The following ARHGEF11 variants were observed in gnomAD, a reference collection of about 807,000 sequenced individuals.
ARHGEF11 encodes the protein Rho guanine nucleotide exchange factor 11.
In ARHGEF11, 55 loss-of-function variants were observed where a neutral mutation model predicts 193.7. That is an observed-to-expected ratio of 0.28 (90% CI 0.23 to 0.36). The LOEUF is 0.36. ARHGEF11 is among the 10% of genes least tolerant of loss of function. The pLI, the probability that ARHGEF11 is intolerant of heterozygous loss-of-function variation, is 1.00. For synonymous variants in ARHGEF11, 693 were observed against 768.0 expected (o/e 0.90, Z 1.62); for missense variants, 1,723 against 2,005.6 (o/e 0.86, Z 2.69).
intron 31 of ARHGEF11, 86 bp from the exon 32 acceptor site, chr1:156,944,188 C>T: frequency 6.6e-7 from 1 of 1,524,032 alleles, no homozygotes; most frequent in South Asian, 1.2e-5. Flanking sequence ...CTCTTGGAGG[C>T]TCTAGGAAGT....
chr1:156,952,682 A>C (rs1017651166), intron 21 of ARHGEF11, among the ~76,000 whole-genome samples: 1 of 152,294 alleles, frequency 6.6e-6, no homozygotes, highest in African/African-American at 2.4e-5. Flanking sequence ...GAGAACAGAA[A>C]AAAATTTAGC....
intron 1 of ARHGEF11, among the ~76,000 whole-genome samples, chr1:157,014,194 G>A (rs749037448): frequency 4.6e-5 from 7 of 152,070 alleles, no homozygotes; most frequent in Non-Finnish European, 8.8e-5. Flanking sequence ...TCATTAGATT[G>A]TATTGCCTCT....
chr1:156,963,118 C>T lies in ARHGEF11; in HGVS notation c.1140+85G>A, dbSNP rs1396066644. ...CTGTGCCCATGGATCTGACTTGTAA[C>T]AGCCAGGGAGCAGAAACAGAGGCTA... On this transcript the variant is annotated intron_variant, in intron 13 of 40. Coordinates refer to ENST00000368194, the MANE Select transcript of ARHGEF11 (RefSeq NM_198236.3). 14 of 1,058,976 alleles carry T rather than the reference C, an allele frequency of 1.3e-5. No homozygotes were observed. In the Admixed American group the frequency reaches 2.5e-4, roughly 19 times the overall value. 65.6% of individuals were successfully genotyped at this position (1,058,976 alleles called of 1,614,324 possible). A position where few individuals can be genotyped will look rare whatever the true frequency, so the allele number is the denominator to read the frequency against.
intron 13 of ARHGEF11, among the ~76,000 whole-genome samples, chr1:156,962,088 T>A (rs1466137519): frequency 6.6e-6 from 1 of 152,230 alleles, no homozygotes; most frequent in Non-Finnish European, 1.5e-5. Context: ...CACTGATCAC[T>A]CCTCAACTCT....
rs762762348 is a variant in ARHGEF11, at chr1:156,955,809, C to T, written c.1672-10G>A. 1.9e-6 allele frequency: 3 copies of T among 1,610,076 alleles called. No homozygotes were observed. The highest frequency in any genetic ancestry group is 2.7e-5 in the African/African-American group (2 of 74,840). On this transcript the variant is annotated splice_polypyrimidine_tract_variant and intron_variant, in intron 19 of 40. Coordinates refer to ENST00000368194, the MANE Select transcript of ARHGEF11 (RefSeq NM_198236.3). ...TCTTGGAATTGCTGCTCTGCTGAGA[C>T]AGGAGACACTGGTGTTTGCAGGAGG... is the stretch of plus-strand genomic sequence containing the variant.
chr1:156,972,667 T>C (rs1662662459), intron 7 of ARHGEF11, among the ~76,000 whole-genome samples: 1 of 152,194 alleles, frequency 6.6e-6, no homozygotes, highest in Non-Finnish European at 1.5e-5. Context: ...TCCCCATACT[T>C]AATATTTCAT....
chr1:156,958,953 CAA>C (rs1660368835), intron 16 of ARHGEF11, 89 bp from the exon 17 acceptor site: 13 of 1,609,212 alleles, frequency 8.1e-6, no homozygotes, highest in South Asian at 2.2e-5. Flanking sequence ...ACACATATAA[CAA>C]GAGATATGTG....
chr1:156,998,566 G>GT (rs750203331), intron 1 of ARHGEF11, among the ~76,000 whole-genome samples: 11 of 152,154 alleles, frequency 7.2e-5, no homozygotes, highest in Non-Finnish European at 1.6e-4. Flanking sequence ...TTGGTGTAAT[G>GT]TAAGTACAGT....
At chr1:156,984,143 C>T (rs1402958518) in intron 3 of ARHGEF11, among the ~76,000 whole-genome samples, 196 bp downstream of exon 3, 4 of 152,202 alleles carry the variant, frequency 2.6e-5, no homozygotes, top group East Asian at 3.8e-4. Flanking sequence ...GCTAGGGAAG[C>T]GAGCATGAGG....
intron 7 of ARHGEF11, among the ~76,000 whole-genome samples, chr1:156,972,307 A>T (rs1257152502): frequency 6.6e-6 from 1 of 152,210 alleles, no homozygotes; most frequent in Non-Finnish European, 1.5e-5. Flanking sequence ...CTAGCCACTT[A>T]TCTAGCACTC....
At chr1:156,988,033 G>A (rs957940306) in intron 1 of ARHGEF11, among the ~76,000 whole-genome samples, 3 of 152,212 alleles carry the variant, frequency 2.0e-5, no homozygotes, top group African/African-American at 7.2e-5. Flanking sequence ...GTACTTGGGA[G>A]AACAGTCATC....
intron 1 of ARHGEF11, among the ~76,000 whole-genome samples, chr1:157,009,037 C>T (rs1016255558): frequency 1.3e-5 from 2 of 152,206 alleles, no homozygotes; most frequent in Non-Finnish European, 2.9e-5. Flanking sequence ...TGATAAGGTC[C>T]ATGGGAAGTA....
intron 1 of ARHGEF11, among the ~76,000 whole-genome samples, chr1:157,012,618 T>C (rs1038864324): frequency 6.6e-6 from 1 of 152,372 alleles, no homozygotes; most frequent in East Asian, 1.9e-4. Context: ...AAGACACTAC[T>C]TTCCTTACTG....
At chr1:156,970,643 T>G (rs1288040939) in intron 8 of ARHGEF11, among the ~76,000 whole-genome samples, 1 of 152,136 alleles carries the variant, frequency 6.6e-6, no homozygotes, top group African/African-American at 2.4e-5. Flanking sequence ...AAGGCCAGGG[T>G]TGGCGCTCAG....
intron 1 of ARHGEF11, among the ~76,000 whole-genome samples, chr1:157,007,899 GTTT>G (rs11290114): frequency 7.8e-6 from 1 of 128,970 alleles, no homozygotes; most frequent in Non-Finnish European, 1.6e-5. Context: ...GAAGGCAAAG[GTTT>G]TTTTTTTTTT....
intron 14 of ARHGEF11, 53 bp from the exon 15 acceptor site, chr1:156,960,513 G>A (rs765331985): frequency 5.2e-5 from 82 of 1,573,016 alleles, no homozygotes; most frequent in Non-Finnish European, 8.7e-6. Context: ...ACTCCAGGGA[G>A]ATGAGCAGTG....
chr1:156,985,835 G>A (rs1428120514), intron 2 of ARHGEF11: 2 of 389,276 alleles, frequency 5.1e-6, no homozygotes, highest in East Asian at 5.0e-5. Flanking sequence ...AAGCATGGGT[G>A]TTCTGACCTG....
Position 156,936,988 on chromosome 1 carries a change from G to C in ARHGEF11, c.4458C>G (p.His1486Gln). The C allele has an allele frequency of 6.2e-7, 1 of 1,614,022 alleles. No homozygotes were observed. Among genetic ancestry groups the C allele is most frequent in the Non-Finnish European group, 8.5e-7 (1 of 1,179,882 alleles). ...LNRLKDMELA[H>Q]RELLKSLGGE... is the part of the protein sequence containing the mutation. ...CCCCAAGGGACTTGAGCAGCTCTCT[G>C]TGGGCCAGCTCCATATCCTGGAAGA... Residue 1486 changes from histidine (H) to glutamine (Q), a missense_variant, in exon 40 of 41, where the codon CAC becomes CAG. His to Gln is a conservative substitution (Grantham distance 24). Coordinates refer to ENST00000368194, the MANE Select transcript of ARHGEF11 (RefSeq NM_198236.3).
chr1:156,991,519 C>A (rs1348852226), intron 1 of ARHGEF11, among the ~76,000 whole-genome samples: 28 of 151,926 alleles, frequency 1.8e-4, no homozygotes, highest in Admixed American at 1.8e-3. Flanking sequence ...GGGGTTTTGC[C>A]ATGTTGCCCA....
Sources: allele counts gnomAD v4.1 joint callset (sites outside exome capture counted in the v4.1 genomes callset), GRCh38; gene constraint gnomAD v4.1.1; transcripts MANE v1.5; gene names NCBI Gene and HGNC (gene_info 2026-07-23, HGNC 2026-07-21).